The following ELMO2 variants were observed in gnomAD, a reference collection of about 807,000 sequenced individuals.
The protein encoded by ELMO2 is engulfment and cell motility 2.
Under a neutral mutation model 96.2 loss-of-function variants are expected in ELMO2, and 37 were observed. The observed-to-expected ratio is 0.38, with a 90% CI of 0.30 to 0.51. The LOEUF (loss-of-function observed/expected upper bound fraction) is 0.51. Among genes scored for constraint, ELMO2 ranks in the 20% least tolerant of loss-of-function variants. ELMO2 has a pLI of 0.88. For synonymous variants in ELMO2, 315 were observed against 329.4 expected (o/e 0.96, Z 0.47); for missense variants, 561 against 912.6 (o/e 0.61, Z 4.96).
intron 11 of ELMO2, chr20:46,376,557 T>C: frequency 8.2e-7 from 1 of 1,212,648 alleles, no homozygotes; most frequent in Non-Finnish European, 1.1e-6. Context: ...TCTCTGTCTT[T>C]CTCTTGCATG....
intron 2 of ELMO2, among the ~76,000 whole-genome samples, chr20:46,396,982 G>A (rs1188842688): frequency 2.0e-5 from 3 of 152,196 alleles, no homozygotes; most frequent in South Asian, 2.1e-4. Context: ...CCTTAATTTC[G>A]ATGGTGCTGC....
intron 20 of ELMO2, chr20:46,370,141 G>A: frequency 2.0e-6 from 1 of 494,972 alleles, no homozygotes; most frequent in South Asian, 1.8e-5. Context: ...TGGACTGGTG[G>A]CAATGTTATA....
At chr20:46,402,092 C>G (rs1217970628) in intron 1 of ELMO2, among the ~76,000 whole-genome samples, 1 of 152,196 alleles carries the variant, frequency 6.6e-6, no homozygotes, top group Admixed American at 6.5e-5. Flanking sequence ...CAGATAAGGT[C>G]CGAGAAACAG....
At chr20:46,385,158 T>TG (rs2060019356) in intron 9 of ELMO2, among the ~76,000 whole-genome samples, 1 of 152,190 alleles carries the variant, frequency 6.6e-6, no homozygotes, top group South Asian at 2.1e-4. Flanking sequence ...TGGGGGATTC[T>TG]GGCAACATTC....
intron 10 of ELMO2, 127 bp downstream of exon 10, chr20:46,383,289 A>G: frequency 9.9e-7 from 1 of 1,007,354 alleles, no homozygotes. Flanking sequence ...GCTCCAGACC[A>G]GACAGCTAAG....
Position 46,367,417 on chromosome 20 carries a change from G to C in ELMO2, c.2106C>G (p.Ala702=). 1 of 1,611,342 alleles carries C rather than the reference G, an allele frequency of 6.2e-7. No homozygotes were observed. ...TGGGCTCCTTGGGGATGGGGGGTGG[G>C]GCTTCGGGAATCTGGATGTTCTCCA... The part of the protein sequence containing the change: ...LDLENIQIPE[A]PPPIPKEPSS... The change falls in exon 22 of 22, where the codon GCC becomes GCG. Residue 702 remains alanine, a synonymous_variant. Transcript: ENST00000290246.
chr20:46,399,436 A>C (rs2060300081), intron 1 of ELMO2, among the ~76,000 whole-genome samples: 1 of 152,126 alleles, frequency 6.6e-6, no homozygotes, highest in Non-Finnish European at 1.5e-5. Context: ...TGACTGTCAG[A>C]AGAGCTCCTA....
At chr20:46,393,885 G>A in intron 4 of ELMO2, 164 bp downstream of exon 4, 2 of 950,520 alleles carry the variant, frequency 2.1e-6, no homozygotes, top group Non-Finnish European at 3.1e-6. Flanking sequence ...ACGTCTTAGG[G>A]GTATGGTTGT....
At chr20:46,379,199 G>A (rs1453859302) in intron 11 of ELMO2, among the ~76,000 whole-genome samples, 3 of 151,876 alleles carry the variant, frequency 2.0e-5, no homozygotes, top group Non-Finnish European at 4.4e-5. Context: ...TCACCATGTC[G>A]GTCAGGCTGG....
At position 46,389,068 on chromosome 20, in the gene ELMO2, G is replaced by C. The variant is rs753215334; in HGVS notation, c.396C>G (p.Leu132=). 13 of 1,613,876 alleles carry C rather than the reference G, an allele frequency of 8.1e-6. No individual in the cohort carries two copies. The highest frequency in any genetic ancestry group is 1.1e-5 in the Non-Finnish European group (13 of 1,179,960). The part of the protein sequence containing the change: ...NMDGIIVLTR[L]VESGTKLLSH... Reference sequence around the variant, plus strand: ...ACAAGAGCTTGGTTCCACTTTCCACGAGCCTTGTCAGCACAATGATGCCAT... The same window carrying C: ...ACAAGAGCTTGGTTCCACTTTCCACCAGCCTTGTCAGCACAATGATGCCAT... Residue 132 remains leucine (L), a synonymous_variant, in exon 7 of 22, where the codon CTC becomes CTG. Coordinates refer to ENST00000290246, the MANE Select transcript of ELMO2 (RefSeq NM_133171.5).
chr20:46,400,726 T>C (rs2060321857), intron 1 of ELMO2, among the ~76,000 whole-genome samples: 1 of 152,378 alleles, frequency 6.6e-6, no homozygotes. Flanking sequence ...AGGCCAGTTT[T>C]TCAAACACAG....
At chr20:46,398,793 A>G (rs183075916) in intron 1 of ELMO2, 22 bp from the exon 2 acceptor site, 10 of 152,362 alleles carry the variant, frequency 6.6e-5, no homozygotes, top group Non-Finnish European at 1.2e-4. Context: ...AAGGAAAGAA[A>G]AAAAATGAAG....
At chr20:46,386,543 C>T (rs1281607660) in intron 8 of ELMO2, among the ~76,000 whole-genome samples, 1 of 152,136 alleles carries the variant, frequency 6.6e-6, no homozygotes, top group Non-Finnish European at 1.5e-5. Flanking sequence ...ATAAGGGTTC[C>T]AGTTTGAGAA....
In ELMO2 at chr20:46,371,878, C is replaced by T. The variant is rs766793261; in HGVS notation, c.1508G>A (p.Ser503Asn). The change falls in exon 17 of 22, where the codon AGT becomes AAT. Residue 503 changes from serine (S) to asparagine (N), a missense_variant. Physicochemically the swap from Ser to Asn is conservative, Grantham distance 46 (BLOSUM62 1). Transcript: ENST00000290246. This position sits in a 1 kb window ranked among gnomAD's most constrained non-coding sequence, Gnocchi z 5.9. ...DQFKSKLRSLSYSEILRLRQS... is the reference protein window; with the variant it reads ...DQFKSKLRSLNYSEILRLRQS... ...GCGCAGTCGTAGAATCTCAGAGTAACTCAGGCTACGCAATTTGCTCTTGAA... is the reference window on the plus strand; with the variant it reads ...GCGCAGTCGTAGAATCTCAGAGTAATTCAGGCTACGCAATTTGCTCTTGAA... 6.8e-6 allele frequency: 11 copies of T among 1,614,124 alleles called. No individual in the cohort carries two copies. Among genetic ancestry groups the T allele is most frequent in the African/African-American group, 1.3e-5 (1 of 74,952 alleles).
At chr20:46,394,150 G>C in intron 3 of ELMO2, 61 bp from the exon 4 acceptor site, 1 of 1,481,612 alleles carries the variant, frequency 6.7e-7, no homozygotes, top group Non-Finnish European at 9.4e-7. Context: ...CCAAGGTTCT[G>C]ACAAGAGGCC....
chr20:46,396,814 C>T (rs1365846822), intron 2 of ELMO2, among the ~76,000 whole-genome samples: 1 of 152,142 alleles, frequency 6.6e-6, no homozygotes, highest in Non-Finnish European at 1.5e-5. Flanking sequence ...GCCCTTTAAC[C>T]AAATCTCAGT....
chr20:46,383,343 T>C (rs1419749208), intron 10 of ELMO2, 73 bp downstream of exon 10: 4 of 1,408,178 alleles, frequency 2.8e-6, no homozygotes, highest in Non-Finnish European at 3.0e-6. Context: ...GCTCTCTGCA[T>C]AGCAAAGAGT....
intron 9 of ELMO2, among the ~76,000 whole-genome samples, chr20:46,385,578 A>G (rs2060027010): frequency 6.6e-6 from 1 of 152,208 alleles, no homozygotes; most frequent in African/African-American, 2.4e-5. Context: ...TAGTATGCAG[A>G]AGAGCCTGGA....
At chr20:46,387,587 C>A in intron 7 of ELMO2, 150 bp from the exon 8 acceptor site, 1 of 456,486 alleles carries the variant, frequency 2.2e-6, no homozygotes. Flanking sequence ...CCTGTGTGCA[C>A]ACCTAGCCAG....
Sources: gnomAD v4.1 joint callset for allele counts (sites outside exome capture counted in the v4.1 genomes callset) on GRCh38, gnomAD v4.1.1 for gene constraint, Gnocchi (gnomAD v3.1) non-coding constraint, MANE v1.5 for transcripts, NCBI Gene and HGNC (gene_info 2026-07-23, HGNC 2026-07-21) for gene names.